The following PDGFD variants were observed in gnomAD, a reference collection of about 807,000 sequenced individuals.
PDGFD encodes platelet-derived growth factor D.
In PDGFD, 30 loss-of-function variants were observed where a neutral mutation model predicts 44.7. The observed-to-expected ratio is 0.67, with a 90% CI of 0.50 to 0.91. The LOEUF (loss-of-function observed/expected upper bound fraction) is 0.91, where lower values mean the gene tolerates loss of function less well. Among genes scored for constraint, PDGFD ranks in the 40% least tolerant of loss-of-function variants. The probability of loss-of-function intolerance (pLI) is 0.00; values close to 1 mark genes in which losing one functional copy is unlikely to be tolerated. For missense variants in PDGFD, 445 were observed against 457.8 expected, an observed-to-expected ratio of 0.97 and a Z score of 0.25; for synonymous variants, 173 against 168.4, an observed-to-expected ratio of 1.03 and a Z score of -0.21.
intron 1 of PDGFD, among the ~76,000 whole-genome samples, chr11:104,043,920 T>C (rs1362757599): frequency 1.3e-5 from 2 of 152,172 alleles, no homozygotes; most frequent in African/African-American, 2.4e-5. Context: ...CATTTCAACA[T>C]GAGATTTGGA....
At chr11:104,056,712 C>T (rs1860621959) in intron 1 of PDGFD, among the ~76,000 whole-genome samples, 1 of 152,120 alleles carries the variant, frequency 6.6e-6, no homozygotes. Context: ...CATTTTAAGA[C>T]AATTATTTTC....
intron 3 of PDGFD, among the ~76,000 whole-genome samples, chr11:103,972,570 C>T (rs1213051277): frequency 6.6e-6 from 1 of 152,132 alleles, no homozygotes; most frequent in Admixed American, 6.5e-5. Context: ...GATTTTGAAG[C>T]TCAGTTTTGT....
intron 1 of PDGFD, among the ~76,000 whole-genome samples, chr11:104,134,748 G>C (rs567771945): frequency 6.6e-6 from 1 of 152,300 alleles, no homozygotes; most frequent in East Asian, 1.9e-4. Context: ...GTCTCAGGAG[G>C]GGCTGAAGCC....
chr11:104,075,157 T>G, intron 1 of PDGFD, among the ~76,000 whole-genome samples: 1 of 152,186 alleles, frequency 6.6e-6, no homozygotes, highest in East Asian at 1.9e-4. Flanking sequence ...GATACAAATG[T>G]TCACTGGTCA....
At chr11:104,026,462 T>C (rs566536687) in intron 1 of PDGFD, among the ~76,000 whole-genome samples, 3 of 151,920 alleles carry the variant, frequency 2.0e-5, no homozygotes, top group Admixed American at 6.5e-5. Flanking sequence ...TTTATAAATA[T>C]ACAAATATTG....
At chr11:104,098,768 G>A (rs913021399) in intron 1 of PDGFD, among the ~76,000 whole-genome samples, 3 of 151,816 alleles carry the variant, frequency 2.0e-5, no homozygotes, top group Non-Finnish European at 4.4e-5. Context: ...TTACCACCTC[G>A]GTCTCCCAAA....
chr11:104,104,326 G>A (rs1211747875), intron 1 of PDGFD, among the ~76,000 whole-genome samples: 1 of 151,790 alleles, frequency 6.6e-6, no homozygotes, highest in Non-Finnish European at 1.5e-5. Flanking sequence ...TTTAGTATAG[G>A]CTAAGTGTAC....
chr11:104,038,053 G>C (rs1207627589), intron 1 of PDGFD: 1 of 1,553,272 alleles, frequency 6.4e-7, no homozygotes. Context: ...GGGAGCCTCA[G>C]GTCCCCGGCA....
At chr11:104,044,649 T>C (rs944820038) in intron 1 of PDGFD, among the ~76,000 whole-genome samples, 1 of 152,224 alleles carries the variant, frequency 6.6e-6, no homozygotes, top group Non-Finnish European at 1.5e-5. Flanking sequence ...GCTTTTAATC[T>C]GGCAAAGTTG....
At chr11:104,136,183 A>G (rs1419813647) in intron 1 of PDGFD, among the ~76,000 whole-genome samples, 1 of 152,200 alleles carries the variant, frequency 6.6e-6, no homozygotes, top group East Asian at 1.9e-4. Flanking sequence ...GAAAAGACAT[A>G]ATATTGTGTC....
chr11:104,120,066 A>G (rs1359202077), intron 1 of PDGFD, among the ~76,000 whole-genome samples: 1 of 148,816 alleles, frequency 6.7e-6, no homozygotes, highest in East Asian at 2.0e-4. Context: ...ATGTCCTATG[A>G]TTTTTCAGAC....
intron 1 of PDGFD, among the ~76,000 whole-genome samples, chr11:104,104,580 C>T (rs935588685): frequency 6.6e-6 from 1 of 152,086 alleles, no homozygotes; most frequent in African/African-American, 2.4e-5. Flanking sequence ...GAATAACATG[C>T]TGTACAGGTT....
rs890841823 is a variant in PDGFD at position 104,163,813 on chromosome 11, T to C, written c.115A>G (p.Arg39Gly). Residue 39 changes from arginine to glycine, a missense_variant, in exon 1 of 7, where the codon AGG (arginine) becomes GGG (glycine). Arg to Gly is a moderately radical substitution (Grantham distance 125). Transcript: ENST00000393158. ...SIKALRNANL[R>G]RDESNHLTDL... ...AAAATGAGTCTCTTACCATCTCGCC[T>C]GAGGTTGGCGTTGCGCAAAGCTTTG... is the stretch of plus-strand genomic sequence containing the variant. The C allele has an allele frequency of 6.5e-7, 1 of 1,545,114 alleles. No homozygotes were observed. The highest frequency in any genetic ancestry group is 8.8e-7 in the Non-Finnish European group (1 of 1,133,260).
At chr11:104,090,732 A>T (rs1224326736) in intron 1 of PDGFD, among the ~76,000 whole-genome samples, 2 of 81,044 alleles carry the variant, frequency 2.5e-5, no homozygotes, top group Non-Finnish European at 4.6e-5. Flanking sequence ...TTTTTAAGAA[A>T]CATTTTACTG....
intron 1 of PDGFD, among the ~76,000 whole-genome samples, chr11:104,119,681 C>T (rs966436317): frequency 3.0e-5 from 2 of 66,866 alleles, no homozygotes; most frequent in South Asian, 5.3e-4. Flanking sequence ...ATATATATAT[C>T]GATATATAAT....
At chr11:104,014,985 T>A (rs532571832) in intron 1 of PDGFD, among the ~76,000 whole-genome samples, 1 of 152,328 alleles carries the variant, frequency 6.6e-6, no homozygotes, top group African/African-American at 2.4e-5. Flanking sequence ...TCATCCTAAG[T>A]ATGATCCCAC....
chr11:104,145,199 C>A (rs371787477), intron 1 of PDGFD, among the ~76,000 whole-genome samples: 2 of 152,164 alleles, frequency 1.3e-5, no homozygotes, highest in Non-Finnish European at 2.9e-5. Flanking sequence ...GGTCTTGTTA[C>A]CCTTAATCAT....
chr11:103,999,906 G>T, intron 2 of PDGFD, 145 bp downstream of exon 2: 1 of 497,480 alleles, frequency 2.0e-6, no homozygotes, highest in Admixed American at 3.4e-5. Flanking sequence ...TTGTCTGTTA[G>T]GGTCTTTAGG....
At chr11:104,032,519 A>G (rs900969805) in intron 1 of PDGFD, among the ~76,000 whole-genome samples, 7 of 152,180 alleles carry the variant, frequency 4.6e-5, no homozygotes, top group African/African-American at 1.4e-4. Context: ...TATATGTTAC[A>G]TAGTGACATT....
Sources: allele counts gnomAD v4.1 joint callset (sites outside exome capture counted in the v4.1 genomes callset), GRCh38; gene constraint gnomAD v4.1.1; transcripts MANE v1.5; gene names NCBI Gene and HGNC (gene_info 2026-07-23, HGNC 2026-07-21).